RFX2: variants seen among roughly 807,000 people sequenced by gnomAD.
RFX2 encodes the protein DNA-binding protein RFX2.
In RFX2, 20 loss-of-function variants were observed where a neutral mutation model predicts 87.8. That is an observed-to-expected ratio of 0.23 (90% confidence interval 0.16 to 0.33). The LOEUF is 0.33. Among genes scored for constraint, RFX2 ranks in the 10% least tolerant of loss-of-function variants. The pLI, the probability that RFX2 is intolerant of heterozygous loss-of-function variation, is 1.00. For missense variants in RFX2, 767 were observed against 1,012.3 expected, an observed-to-expected ratio of 0.76 and a Z score of 3.29; for synonymous variants, 397 against 431.3, an observed-to-expected ratio of 0.92 and a Z score of 0.98.
chr19:6,085,226 C>T (rs2087840842), intron 1 of RFX2, among the ~76,000 whole-genome samples: 1 of 152,200 alleles, frequency 6.6e-6, no homozygotes, highest in Non-Finnish European at 1.5e-5. Context: ...ATTTTGCACA[C>T]CTACCAACAG....
chr19:5,996,345 C>A (rs1260077606), intron 16 of RFX2, among the ~76,000 whole-genome samples: 1 of 152,256 alleles, frequency 6.6e-6, no homozygotes, highest in East Asian at 1.9e-4. Flanking sequence ...GAGCGGTCAG[C>A]ACAGCGCGGC....
intron 3 of RFX2, among the ~76,000 whole-genome samples, chr19:6,042,579 CA>C (rs1306971820): frequency 6.6e-6 from 1 of 152,102 alleles, no homozygotes; most frequent in African/African-American, 2.4e-5. Flanking sequence ...CTGCAGTGCA[CA>C]GGGGGCTGAG....
At position 6,026,074 on chromosome 19, in the gene RFX2, C is replaced by T. The variant is rs536869637; in HGVS notation, c.597+89G>A. The T allele has an allele frequency of 7.4e-4, 837 of 1,131,698 alleles. 10 individuals carry two copies. The highest frequency in any genetic ancestry group is 6.6e-3 in the South Asian group (508 of 77,268). 70.1% of individuals were successfully genotyped at this position (1,131,698 alleles called of 1,614,324 possible). A position where few individuals can be genotyped will look rare whatever the true frequency, so the allele number is the denominator to read the frequency against. On this transcript the variant is annotated intron_variant, in intron 6 of 17. Coordinates refer to ENST00000303657, the MANE Select transcript of RFX2 (RefSeq NM_000635.4). This position sits in a 1 kb window ranked among gnomAD's most constrained non-coding sequence, Gnocchi z 4.5. ...TGCTGGGATTACAGGTGTGAGCCAC[C>T]GCACCTGGTTGCCTTCATTTGTCTT...
At chr19:6,008,267 A>AG (rs2144689537) in intron 9 of RFX2, 43 bp from the exon 10 acceptor site, 1 of 1,346,890 alleles carries the variant, frequency 7.4e-7, no homozygotes, top group East Asian at 2.4e-5. Flanking sequence ...CGAGGCTCTT[A>AG]GGACACCGTG....
At chr19:6,036,181 A>T (rs925362313) in intron 5 of RFX2, among the ~76,000 whole-genome samples, 1 of 152,216 alleles carries the variant, frequency 6.6e-6, no homozygotes, top group Non-Finnish European at 1.5e-5. Flanking sequence ...CATAACAACT[A>T]AACCTAGTTC....
intron 1 of RFX2, among the ~76,000 whole-genome samples, chr19:6,086,401 C>T (rs1488304608): frequency 6.6e-6 from 1 of 152,174 alleles, no homozygotes; most frequent in Non-Finnish European, 1.5e-5. Flanking sequence ...AGGCTACAAA[C>T]CTGTCTAGCA....
chr19:6,063,588 T>C lies in RFX2; in HGVS notation c.-8-16084A>G, dbSNP rs2087469883. The stretch of plus-strand genomic sequence containing the variant: ...AGCTAAGATTAAAGTGACTGCTGCG[T>C]TGAAGAAGGAGGGAGGCAGAGAGAC... On this transcript the variant is annotated intron_variant, in intron 1 of 17. Transcript: ENST00000303657. This position sits in a 1 kb window ranked among gnomAD's most constrained non-coding sequence, Gnocchi z 4.0. Among the ~76,000 whole-genome samples the C allele has an allele frequency of 6.6e-6, 1 of 152,120 alleles. No homozygotes were observed. Among genetic ancestry groups the C allele is most frequent in the Non-Finnish European group, 1.5e-5 (1 of 68,002 alleles).
intron 1 of RFX2, among the ~76,000 whole-genome samples, chr19:6,103,865 ACAGTAAAAAACTG>A (rs2088167085): frequency 6.6e-6 from 1 of 152,188 alleles, no homozygotes; most frequent in African/African-American, 2.4e-5. Context: ...TCAGGAAACC[ACAGTAAAAAACTG>A]ATCATCCCAG....
At chr19:6,069,308 G>A (rs2087559657) in intron 1 of RFX2, among the ~76,000 whole-genome samples, 3 of 152,046 alleles carry the variant, frequency 2.0e-5, no homozygotes, top group Admixed American at 1.3e-4. Context: ...AGTGTGTAGG[G>A]GACATGACCT....
chr19:6,045,638 T>G lies in RFX2; in HGVS notation c.91-1356A>C, dbSNP rs1345348215. Among the ~76,000 whole-genome samples, 1 of 152,084 alleles carries G rather than the reference T, an allele frequency of 6.6e-6. No homozygotes were observed. Among genetic ancestry groups the G allele is most frequent in the Non-Finnish European group, 1.5e-5 (1 of 68,012 alleles). On this transcript the variant is annotated intron_variant, in intron 2 of 17. Transcript: ENST00000303657. The surrounding 1 kb of genome is among the most constrained non-coding windows in gnomAD (Gnocchi z 5.2). ...AAATAAACCGCTTCACTGTCTGCCT[T>G]TTTGTTTTTGCGGAATTGTGTTTTT...
Position 6,061,380 on chromosome 19 carries a change from G to A in RFX2, c.-8-13876C>T, listed in dbSNP as rs1241384231. Among the ~76,000 whole-genome samples, 1 of 119,100 alleles carries A rather than the reference G, an allele frequency of 8.4e-6. No individual in the cohort carries two copies. The highest frequency in any genetic ancestry group is 7.4e-5 in the Admixed American group (1 of 13,494). The allele number at this position is 119,100 out of a possible 152,430, so 78.1% of individuals were successfully genotyped here. A position where few individuals can be genotyped will look rare whatever the true frequency, so the allele number is the denominator to read the frequency against. ...GCTAAATCAAGGGATTAACTACCAA[G>A]GTGGGGGTTCCAGACCATTTCGATG... On this transcript the variant is annotated intron_variant, in intron 1 of 17. Coordinates refer to ENST00000303657, the MANE Select transcript of RFX2 (RefSeq NM_000635.4). The surrounding 1 kb of genome is among the most constrained non-coding windows in gnomAD (Gnocchi z 5.2).
rs148161020 is a variant in RFX2, at chr19:6,007,712, C to T, written c.1225G>A (p.Gly409Ser). The change falls in exon 11 of 18, where the codon GGC (glycine) becomes AGC (serine). Residue 409 changes from glycine (G) to serine (S), a missense_variant. By Grantham distance (56) the Gly-to-Ser change is moderately conservative. Transcript: ENST00000303657. This position sits in a 1 kb window ranked among gnomAD's most constrained non-coding sequence, Gnocchi z 8.2. ...FWNSKASSSD[G>S]PTSLPASDED... ...CACCTGGCAGGAAGAGAGGTGGGGC[C>T]GTCGCTGGAGGAGGCCTTAGAGTTC... is the stretch of plus-strand genomic sequence containing the variant. The T allele has an allele frequency of 1.2e-4, 184 of 1,554,192 alleles. No homozygotes were observed. The highest frequency in any genetic ancestry group is 5.8e-4 in the East Asian group (24 of 41,268).
Position 6,063,701 on chromosome 19 carries a change from C to T in RFX2, c.-8-16197G>A, listed in dbSNP as rs1033711086. Among the ~76,000 whole-genome samples, 5 of 152,228 alleles carry T rather than the reference C, an allele frequency of 3.3e-5. No homozygotes were observed. Among genetic ancestry groups the T allele is most frequent in the Non-Finnish European group, 7.3e-5 (5 of 68,046 alleles). Reference sequence around the variant, plus strand: ...CAGTCAGCTTGTCATGTCATACAGGCTTTCCTGACCTCAGCAATGCGGATA... The same window carrying T: ...CAGTCAGCTTGTCATGTCATACAGGTTTTCCTGACCTCAGCAATGCGGATA... On this transcript the variant is annotated intron_variant, in intron 1 of 17. Transcript: ENST00000303657. The surrounding 1 kb of genome is among the most constrained non-coding windows in gnomAD (Gnocchi z 4.0).
rs2087471815 is a variant in RFX2 at position 6,063,733 on chromosome 19, G to T, written c.-8-16229C>A. 6.6e-6 allele frequency among the ~76,000 whole-genome samples: 1 copy of T among 152,210 alleles called. No homozygotes were observed. The highest frequency in any genetic ancestry group is 1.5e-5 in the Non-Finnish European group (1 of 68,034). On this transcript the variant is annotated intron_variant, in intron 1 of 17. Transcript: ENST00000303657. This position sits in a 1 kb window ranked among gnomAD's most constrained non-coding sequence, Gnocchi z 4.0. ...GACCTCAGCAATGCGGATATGAGGGGCAGGAATACACTCTGGGGTGGGGCC... is the reference window on the plus strand; with the variant it reads ...GACCTCAGCAATGCGGATATGAGGGTCAGGAATACACTCTGGGGTGGGGCC...
intron 1 of RFX2, among the ~76,000 whole-genome samples, chr19:6,053,859 G>A (rs189588431): frequency 4.6e-5 from 7 of 150,558 alleles, no homozygotes; most frequent in Admixed American, 3.3e-4. Flanking sequence ...AGGAGGCTGA[G>A]GTGGGAGAAT....
chr19:6,097,561 G>A (rs73549985), intron 1 of RFX2, among the ~76,000 whole-genome samples: 8,271 of 152,090 alleles, frequency 0.054, 673 homozygotes, highest in African/African-American at 0.18. Context: ...GTACCCATGG[G>A]TAACATCATG....
At position 6,011,429 on chromosome 19, in the gene RFX2, A is replaced by C. The variant is rs1326867878; in HGVS notation, c.900-1178T>G. Among the ~76,000 whole-genome samples the C allele has an allele frequency of 6.6e-6, 1 of 152,178 alleles. No homozygotes were observed. Among genetic ancestry groups the C allele is most frequent in the Non-Finnish European group, 1.5e-5 (1 of 68,026 alleles). On this transcript the variant is annotated intron_variant, in intron 8 of 17. Transcript: ENST00000303657. The surrounding 1 kb of genome is among the most constrained non-coding windows in gnomAD (Gnocchi z 4.8). ...GGGGCCAGGCCTACAGGGAGGCGGGAGACCATGCTGGCGAGGTGTGTGTAA... is the reference window on the plus strand; with the variant it reads ...GGGGCCAGGCCTACAGGGAGGCGGGCGACCATGCTGGCGAGGTGTGTGTAA...
intron 5 of RFX2, among the ~76,000 whole-genome samples, chr19:6,037,651 T>C (rs918958831): frequency 6.6e-6 from 1 of 152,214 alleles, no homozygotes; most frequent in Non-Finnish European, 1.5e-5. Context: ...TCTTTGTAGA[T>C]ATAGATAAAT....
intron 1 of RFX2, chr19:6,078,264 T>C (rs1412342582): frequency 6.7e-6 from 1 of 148,378 alleles, no homozygotes. Context: ...GAAGATAGTA[T>C]ACTAAGACCC....
Sources: gnomAD v4.1 joint callset for allele counts (sites outside exome capture counted in the v4.1 genomes callset) on GRCh38, gnomAD v4.1.1 for gene constraint, Gnocchi (gnomAD v3.1) non-coding constraint, MANE v1.5 for transcripts, NCBI Gene and HGNC (gene_info 2026-07-23, HGNC 2026-07-21) for gene names.